The following MARCHF1 variants were observed in gnomAD, a reference collection of about 807,000 sequenced individuals.
MARCHF1 encodes the protein membrane associated ring-CH-type finger 1.
In MARCHF1, 40 loss-of-function variants were observed where a neutral mutation model predicts 54.2. The ratio of observed to expected loss-of-function variants is 0.74; its 90% CI spans 0.57 to 0.96. MARCHF1 has a LOEUF of 0.96. MARCHF1 is among the 40% of genes least tolerant of loss of function. The probability of loss-of-function intolerance (pLI) is 0.00; values close to 1 mark genes in which losing one functional copy is unlikely to be tolerated. For synonymous variants in MARCHF1, 236 were observed against 236.3 expected (o/e 1.00, Z 0.01); for missense variants, 586 against 656.5 (o/e 0.89, Z 1.17).
chr4:163,786,111 G>A (rs2110921805), intron 4 of MARCHF1, among the ~76,000 whole-genome samples: 1 of 152,028 alleles, frequency 6.6e-6, no homozygotes, highest in East Asian at 1.9e-4. Flanking sequence ...AAGGAATTCA[G>A]TCCTTCGGAC....
At chr4:163,799,493 G>A (rs1342473028) in intron 4 of MARCHF1, among the ~76,000 whole-genome samples, 1 of 152,096 alleles carries the variant, frequency 6.6e-6, no homozygotes, top group Non-Finnish European at 1.5e-5. Flanking sequence ...AATCAGGCAA[G>A]TGTGAACTAG....
intron 4 of MARCHF1, among the ~76,000 whole-genome samples, chr4:163,745,019 A>G (rs1476825538): frequency 2.6e-5 from 4 of 152,114 alleles, no homozygotes; most frequent in South Asian, 2.1e-4. Flanking sequence ...TAGCTTACTT[A>G]TTTTAAACAG....
At chr4:163,889,003 A>G (rs1330864178) in intron 3 of MARCHF1, among the ~76,000 whole-genome samples, 2 of 152,152 alleles carry the variant, frequency 1.3e-5, no homozygotes, top group Non-Finnish European at 2.9e-5. Flanking sequence ...TTATTATTGC[A>G]TGGTAGGTAT....
chr4:163,637,388 A>C (rs1742375708), intron 5 of MARCHF1, among the ~76,000 whole-genome samples: 1 of 151,976 alleles, frequency 6.6e-6, no homozygotes, highest in Non-Finnish European at 1.5e-5. Flanking sequence ...ATGAACTCAA[A>C]CAAATTTACA....
rs376565727 is a variant in MARCHF1, at chr4:164,199,632, T to TCACA, written c.-322-87974_-322-87971dup. On this transcript the variant is annotated intron_variant, in intron 1 of 9. Coordinates refer to ENST00000514618, the MANE Select transcript of MARCHF1 (RefSeq NM_001394959.1). ...GCCTGGGTGACAGAGCAGGACTCTG[T>TCACA]CACACACACACACACACACACACAC... Among the ~76,000 whole-genome samples the TCACA allele has an allele frequency of 4.7e-3, 541 of 114,800 alleles. 5 individuals are homozygous for TCACA. The highest frequency in any genetic ancestry group is 7.2e-3 in the Non-Finnish European group (417 of 57,730). 75.3% of individuals were successfully genotyped at this position (114,800 alleles called of 152,430 possible). A position where few individuals can be genotyped will look rare whatever the true frequency, so the allele number is the denominator to read the frequency against.
At chr4:163,573,721 A>T (rs1220546105) in intron 8 of MARCHF1, among the ~76,000 whole-genome samples, 1 of 151,984 alleles carries the variant, frequency 6.6e-6, no homozygotes, top group East Asian at 1.9e-4. Flanking sequence ...ATTGTTGGAC[A>T]TTTGGGTTGG....
chr4:164,245,795 A>C (rs942269488), intron 1 of MARCHF1, among the ~76,000 whole-genome samples: 7 of 115,890 alleles, frequency 6.0e-5, no homozygotes, highest in Admixed American at 3.9e-4. Flanking sequence ...AAGCATTCTT[A>C]TACACCAACA....
intron 8 of MARCHF1, among the ~76,000 whole-genome samples, chr4:163,554,337 G>T (rs1018489983): frequency 6.6e-6 from 1 of 152,316 alleles, no homozygotes; most frequent in African/African-American, 2.4e-5. Context: ...ACTGCCAGAT[G>T]AGAAATTGTC....
At chr4:164,295,437 CAT>C (rs1734385414) in intron 1 of MARCHF1, among the ~76,000 whole-genome samples, 1 of 94,140 alleles carries the variant, frequency 1.1e-5, no homozygotes, top group Non-Finnish European at 2.6e-5. Context: ...AACACACACA[CAT>C]ACACACAAAC....
intron 4 of MARCHF1, among the ~76,000 whole-genome samples, chr4:163,848,918 C>T (rs1749566989): frequency 2.0e-5 from 3 of 152,080 alleles, no homozygotes; most frequent in Non-Finnish European, 2.9e-5. Context: ...GAATTCTATA[C>T]ATAAAACGGC....
intron 1 of MARCHF1, among the ~76,000 whole-genome samples, chr4:164,363,766 C>CGTGTGTGTGTGT (rs113007142): frequency 0.34 from 50,548 of 150,036 alleles, 9,004 homozygotes; most frequent in Non-Finnish European, 0.39. Flanking sequence ...ATTAATAAGC[C>CGTGTGTGTGTGT]GTGTGTGTGT....
Position 164,268,183 on chromosome 4 carries a change from A to G in MARCHF1, c.-323+115687T>C, listed in dbSNP as rs189130037. Among the ~76,000 whole-genome samples, 108 of 152,312 alleles carry G rather than the reference A, an allele frequency of 7.1e-4. No homozygotes were observed. In the East Asian group the frequency reaches 0.017, roughly 23 times the overall value. ...TTATTAGATGTAGATTATGAAACAC[A>G]TATTTTAATGTGGTTAATTTTTTTA... is the stretch of plus-strand genomic sequence containing the variant. On this transcript the variant is annotated intron_variant, in intron 1 of 9. Coordinates refer to ENST00000514618, the MANE Select transcript of MARCHF1 (RefSeq NM_001394959.1).
At chr4:164,007,646 CTGTGTGTGTGTGTGTGTG>C (rs70948688) in intron 2 of MARCHF1, among the ~76,000 whole-genome samples, 39 of 140,012 alleles carry the variant, frequency 2.8e-4, no homozygotes, top group African/African-American at 9.0e-4. Flanking sequence ...CTCTCTCTCT[CTGTGTGTGTGTGTGTGTG>C]TGTGTGTGTG....
chr4:163,962,256 G>C (rs764492674), intron 3 of MARCHF1, among the ~76,000 whole-genome samples: 1 of 151,972 alleles, frequency 6.6e-6, no homozygotes, highest in Middle Eastern at 3.4e-3. Context: ...GACACTAAAA[G>C]TGCAAGCTGA....
chr4:163,952,480 T>C (rs1010015872), intron 3 of MARCHF1, among the ~76,000 whole-genome samples: 2 of 152,180 alleles, frequency 1.3e-5, no homozygotes, highest in African/African-American at 4.8e-5. Context: ...TTATAAAATA[T>C]GAGACTGGGT....
chr4:163,535,884 T>C (rs889118641), intron 9 of MARCHF1, among the ~76,000 whole-genome samples: 6 of 152,064 alleles, frequency 3.9e-5, no homozygotes, highest in Non-Finnish European at 8.8e-5. Flanking sequence ...GGGGGACATT[T>C]AGCAGTGTCT....
chr4:164,074,518 C>A (rs1233897021), intron 2 of MARCHF1, among the ~76,000 whole-genome samples: 1 of 152,134 alleles, frequency 6.6e-6, no homozygotes, highest in Non-Finnish European at 1.5e-5. Context: ...AAAAATTCAT[C>A]TAAATACTTT....
At chr4:163,660,494 A>C (rs1390412834) in intron 5 of MARCHF1, among the ~76,000 whole-genome samples, 1 of 151,920 alleles carries the variant, frequency 6.6e-6, no homozygotes, top group Non-Finnish European at 1.5e-5. Flanking sequence ...TAGATGCAGC[A>C]GTCCACCATG....
intron 4 of MARCHF1, among the ~76,000 whole-genome samples, chr4:163,723,361 T>C (rs1745541494): frequency 6.6e-6 from 1 of 152,228 alleles, no homozygotes; most frequent in African/African-American, 2.4e-5. Flanking sequence ...CCCCACTCTC[T>C]TCTGGCTTGT....
Sources: allele counts gnomAD v4.1 joint callset (sites outside exome capture counted in the v4.1 genomes callset), GRCh38; gene constraint gnomAD v4.1.1; transcripts MANE v1.5; gene names NCBI Gene and HGNC (gene_info 2026-07-23, HGNC 2026-07-21).